Variants in MACROD2 observed in about 807,000 individuals in gnomAD.
The protein encoded by MACROD2 is mono-ADP ribosylhydrolase 2.
MACROD2 carries 36 observed loss-of-function variants against 70.4 expected under a neutral mutation model. The ratio of observed to expected loss-of-function variants is 0.51; its 90% CI spans 0.39 to 0.68. MACROD2 has a LOEUF of 0.68. Ranked by LOEUF, MACROD2 falls within the 30% of genes least tolerant of loss-of-function variation. The probability of loss-of-function intolerance (pLI) is 0.00; values close to 1 mark genes in which losing one functional copy is unlikely to be tolerated. For synonymous variants in MACROD2, 172 were observed against 178.8 expected, an observed-to-expected ratio of 0.96 and a Z score of 0.30; for missense variants, 496 against 538.4, an observed-to-expected ratio of 0.92 and a Z score of 0.78.
At chr20:14,207,673 T>C (rs2081535939) in intron 3 of MACROD2, among the ~76,000 whole-genome samples, 1 of 152,214 alleles carries the variant, frequency 6.6e-6, no homozygotes, top group Admixed American at 6.5e-5. Context: ...AAAGAACTGC[T>C]ACACCATCAC....
chr20:14,263,375 G>A (rs896090473), intron 3 of MACROD2, among the ~76,000 whole-genome samples: 1 of 152,182 alleles, frequency 6.6e-6, no homozygotes, highest in African/African-American at 2.4e-5. Flanking sequence ...AGCATTACTA[G>A]GAGTGGAAGC....
At chr20:14,139,222 C>A (rs953406649) in intron 3 of MACROD2, among the ~76,000 whole-genome samples, 1 of 152,206 alleles carries the variant, frequency 6.6e-6, no homozygotes, top group African/African-American at 2.4e-5. Flanking sequence ...CTCCTGACCT[C>A]AGATGATCCA....
At chr20:15,252,983 C>T in intron 6 of MACROD2, among the ~76,000 whole-genome samples, 1 of 152,154 alleles carries the variant, frequency 6.6e-6, no homozygotes, top group Non-Finnish European at 1.5e-5. Flanking sequence ...CTGTATCAGT[C>T]AGGATTCAGT....
chr20:14,470,060 G>A (rs981894034), intron 3 of MACROD2, among the ~76,000 whole-genome samples: 1 of 152,054 alleles, frequency 6.6e-6, no homozygotes, highest in Non-Finnish European at 1.5e-5. Context: ...ATTCATTTTT[G>A]TGGATTTATC....
intron 7 of MACROD2, among the ~76,000 whole-genome samples, chr20:15,436,615 T>G (rs1432274534): frequency 6.6e-6 from 1 of 152,176 alleles, no homozygotes; most frequent in African/African-American, 2.4e-5. Flanking sequence ...AGTTACAGCT[T>G]TCTCAGTCCT....
chr20:14,681,673 A>G (rs1388050901), intron 4 of MACROD2, among the ~76,000 whole-genome samples: 1 of 152,192 alleles, frequency 6.6e-6, no homozygotes, highest in Non-Finnish European at 1.5e-5. Flanking sequence ...ATGGTTACAT[A>G]AATGCACACA....
intron 3 of MACROD2, among the ~76,000 whole-genome samples, chr20:14,187,896 G>A (rs2081357761): frequency 6.6e-6 from 1 of 152,074 alleles, no homozygotes; most frequent in South Asian, 2.1e-4. Flanking sequence ...TCTGTACTAA[G>A]CTGGACTTTA....
chr20:14,347,754 G>C (rs889946981), intron 3 of MACROD2, among the ~76,000 whole-genome samples: 1 of 152,140 alleles, frequency 6.6e-6, no homozygotes, highest in Non-Finnish European at 1.5e-5. Context: ...AATGAAAACT[G>C]ACCCTTGCCA....
rs1282093569 is a variant in MACROD2 at position 14,538,656 on chromosome 20, C to A, written c.301+45148C>A. Among the ~76,000 whole-genome samples, 3 of 152,124 alleles carry A rather than the reference C, an allele frequency of 2.0e-5. No individual in the cohort carries two copies. In the East Asian group the frequency reaches 5.8e-4, roughly 29 times the overall value. Reference sequence around the variant, plus strand: ...ATTCCAGGCGCATAAGGAACTGATACCCACCTCAGGACATGACTATGTCCC... The same window carrying A: ...ATTCCAGGCGCATAAGGAACTGATAACCACCTCAGGACATGACTATGTCCC... On this transcript the variant is annotated intron_variant, in intron 4 of 17. Transcript: ENST00000684519.
chr20:15,469,942 C>T (rs893107949), intron 7 of MACROD2, among the ~76,000 whole-genome samples: 1 of 152,154 alleles, frequency 6.6e-6, no homozygotes, highest in African/African-American at 2.4e-5. Context: ...CTCTAGGCCT[C>T]ACCAAAAAAT....
In MACROD2 at chr20:14,532,281, C is replaced by T. The variant is rs1398782759; in HGVS notation, c.301+38773C>T. 2.0e-5 allele frequency among the ~76,000 whole-genome samples: 3 copies of T among 149,078 alleles called. No individual in the cohort carries two copies. In the East Asian group the frequency reaches 5.9e-4, roughly 29 times the overall value. On this transcript the variant is annotated intron_variant, in intron 4 of 17. Coordinates refer to ENST00000684519, the MANE Select transcript of MACROD2 (RefSeq NM_001351661.2). ...TCACCCAGGCTGGAGTGCAATGGCGCAATCTCGGCTCACTGCAACCTCCGC... is the reference window on the plus strand; with the variant it reads ...TCACCCAGGCTGGAGTGCAATGGCGTAATCTCGGCTCACTGCAACCTCCGC...
At chr20:14,098,625 T>C (rs1336868847) in intron 3 of MACROD2, among the ~76,000 whole-genome samples, 1 of 152,196 alleles carries the variant, frequency 6.6e-6, no homozygotes, top group Admixed American at 6.5e-5. Context: ...TTTATTCACC[T>C]CTACTTGCTT....
intron 5 of MACROD2, among the ~76,000 whole-genome samples, chr20:15,020,738 C>A (rs1347530136): frequency 6.6e-6 from 1 of 151,972 alleles, no homozygotes; most frequent in African/African-American, 2.4e-5. Flanking sequence ...GCACATACAA[C>A]ACAATGTTAA....
intron 5 of MACROD2, among the ~76,000 whole-genome samples, chr20:14,944,797 C>G (rs1379915733): frequency 1.3e-5 from 2 of 152,130 alleles, no homozygotes; most frequent in East Asian, 3.9e-4. Flanking sequence ...CCATAAGCCA[C>G]TGAGAACCAC....
intron 5 of MACROD2, among the ~76,000 whole-genome samples, chr20:14,764,517 A>G (rs540209883): frequency 6.6e-6 from 1 of 152,166 alleles, no homozygotes; most frequent in Non-Finnish European, 1.5e-5. Flanking sequence ...CTTACAAGCT[A>G]TGGGGACGGC....
At chr20:14,412,174 G>A (rs1478449228) in intron 3 of MACROD2, among the ~76,000 whole-genome samples, 1 of 152,110 alleles carries the variant, frequency 6.6e-6, no homozygotes, top group African/African-American at 2.4e-5. Context: ...GATGACACAG[G>A]TTCTATCTAG....
chr20:15,574,640 C>G (rs978121662), intron 8 of MACROD2, among the ~76,000 whole-genome samples: 33 of 152,126 alleles, frequency 2.2e-4, no homozygotes, highest in African/African-American at 7.7e-4. Context: ...CCAAATCATA[C>G]AGGGCTTGGA....
intron 3 of MACROD2, among the ~76,000 whole-genome samples, chr20:14,104,145 G>A (rs776446471): frequency 6.6e-6 from 1 of 152,058 alleles, no homozygotes; most frequent in Non-Finnish European, 1.5e-5. Context: ...ACCATTATTA[G>A]GTTTGATGAA....
At chr20:15,358,665 G>A (rs2078316976) in intron 6 of MACROD2, among the ~76,000 whole-genome samples, 1 of 152,132 alleles carries the variant, frequency 6.6e-6, no homozygotes, top group African/African-American at 2.4e-5. Context: ...CAGACTGGGT[G>A]ACTTAAACAA....
Sources: gnomAD v4.1 joint callset for allele counts (sites outside exome capture counted in the v4.1 genomes callset) on GRCh38, gnomAD v4.1.1 for gene constraint, MANE v1.5 for transcripts, NCBI Gene and HGNC (gene_info 2026-07-23, HGNC 2026-07-21) for gene names.